PDE4D: variants seen among roughly 807,000 people sequenced by gnomAD.
PDE4D encodes phosphodiesterase 4D.
In PDE4D, 24 loss-of-function variants were observed where a neutral mutation model predicts 87.4. That is an observed-to-expected ratio of 0.27 (90% CI 0.20 to 0.39). The LOEUF is 0.39. Ranked by LOEUF, PDE4D falls within the 10% of genes least tolerant of loss-of-function variation. PDE4D has a pLI of 1.00. For synonymous variants in PDE4D, 384 were observed against 383.2 expected, an observed-to-expected ratio of 1.00 and a Z score of -0.02; for missense variants, 714 against 1,041.0, an observed-to-expected ratio of 0.69 and a Z score of 4.32.
At chr5:59,988,839 T>G in intron 2 of PDE4D, 1 of 528,494 alleles carries the variant, frequency 1.9e-6, no homozygotes, top group Non-Finnish European at 3.3e-6. Flanking sequence ...AAAAATGCTA[T>G]CTAGAAAACA....
At chr5:59,750,794 G>A (rs1311730526) in intron 1 of PDE4D, among the ~76,000 whole-genome samples, 1 of 151,926 alleles carries the variant, frequency 6.6e-6, no homozygotes, top group Non-Finnish European at 1.5e-5. Context: ...AAGTTATCTA[G>A]GCCTGGTAGC....
intron 2 of PDE4D, among the ~76,000 whole-genome samples, chr5:59,201,265 G>A (rs998672393): frequency 4.6e-5 from 7 of 152,054 alleles, no homozygotes. Flanking sequence ...AAACTGGGCT[G>A]CACAGGTAAT....
At chr5:59,821,837 G>A (rs1043663311) in intron 1 of PDE4D, among the ~76,000 whole-genome samples, 1 of 152,152 alleles carries the variant, frequency 6.6e-6, no homozygotes, top group African/African-American at 2.4e-5. Flanking sequence ...ATGGAGTTAG[G>A]AAGATATGTT....
intron 2 of PDE4D, among the ~76,000 whole-genome samples, chr5:60,077,068 C>A (rs1374919220): frequency 1.3e-5 from 2 of 152,138 alleles, no homozygotes; most frequent in African/African-American, 4.8e-5. Context: ...GGTGGCTGCT[C>A]AAGGCAGGGG....
chr5:60,062,138 G>A (rs888819000), intron 2 of PDE4D, among the ~76,000 whole-genome samples: 10 of 152,036 alleles, frequency 6.6e-5, no homozygotes, highest in Non-Finnish European at 1.3e-4. Context: ...TACAGAATGG[G>A]AGAACATTTT....
intron 1 of PDE4D, among the ~76,000 whole-genome samples, chr5:59,400,405 A>G (rs1790363781): frequency 6.8e-6 from 1 of 146,472 alleles, no homozygotes; most frequent in African/African-American, 2.6e-5. Flanking sequence ...ATGCGGCCAT[A>G]AAAAATGATG....
chr5:59,605,123 C>T (rs1451141983), intron 1 of PDE4D, among the ~76,000 whole-genome samples: 2 of 151,986 alleles, frequency 1.3e-5, no homozygotes, highest in Admixed American at 1.3e-4. Context: ...GTTGAAGGTG[C>T]TTAAAACTGC....
intron 2 of PDE4D, among the ~76,000 whole-genome samples, chr5:60,066,311 G>A (rs1772085182): frequency 6.6e-6 from 1 of 151,888 alleles, no homozygotes; most frequent in Non-Finnish European, 1.5e-5. Flanking sequence ...ATTTGTTTGA[G>A]TTCATTGTAG....
rs192485116 is a variant in PDE4D at position 60,412,943 on chromosome 5, T to C, written c.-90+74999A>G. 2.8e-4 allele frequency among the ~76,000 whole-genome samples: 42 copies of C among 152,310 alleles called. 1 individual carries two copies. Among genetic ancestry groups the C allele is most frequent in the Non-Finnish European group, 4.7e-4 (32 of 67,998 alleles). ...GGCTAGAGGTGGAGTCATTTGCTAATGACTAGGTGAATATTAAGTCATAAT... is the reference window on the plus strand; with the variant it reads ...GGCTAGAGGTGGAGTCATTTGCTAACGACTAGGTGAATATTAAGTCATAAT... On this transcript the variant is annotated intron_variant, in intron 1 of 16. Coordinates refer to the PDE4D transcript ENST00000502484.
chr5:60,368,407 C>G (rs1760733803), intron 1 of PDE4D, among the ~76,000 whole-genome samples: 1 of 152,098 alleles, frequency 6.6e-6, no homozygotes, highest in Non-Finnish European at 1.5e-5. Flanking sequence ...TGTTCTGGGG[C>G]AGGGAGGTTG....
chr5:60,415,481 C>T (rs1742421419), intron 1 of PDE4D, among the ~76,000 whole-genome samples: 1 of 152,236 alleles, frequency 6.6e-6, no homozygotes, highest in African/African-American at 2.4e-5. Context: ...GGAACCGGGG[C>T]TGCGCGGCAG....
rs1178334578 is a variant in PDE4D, at chr5:59,885,305, A to G, written c.455+7863T>C. ...TTTCAAAATGTTCTTTACTATCCTT[A>G]TATTTAAATTAAATTTTAAGTCAAG... On this transcript the variant is annotated intron_variant, in intron 1 of 14. Transcript: ENST00000340635. 6.6e-5 allele frequency among the ~76,000 whole-genome samples: 10 copies of G among 152,192 alleles called. No homozygotes were observed. In the East Asian group the frequency reaches 1.9e-3, roughly 29 times the overall value.
chr5:59,032,017 C>CTGTT (rs1554051689), intron 6 of PDE4D, among the ~76,000 whole-genome samples: 3 of 151,402 alleles, frequency 2.0e-5, no homozygotes, highest in Non-Finnish European at 4.4e-5. Flanking sequence ...TTTTAGTGAT[C>CTGTT]TATTGCACTG....
chr5:59,124,323 A>T (rs1165640801), intron 5 of PDE4D, among the ~76,000 whole-genome samples: 1 of 152,164 alleles, frequency 6.6e-6, no homozygotes, highest in Admixed American at 6.5e-5. Flanking sequence ...TCTTGCTGTA[A>T]AACCAGGAGC....
intron 1 of PDE4D, among the ~76,000 whole-genome samples, chr5:59,853,812 T>G (rs540890816): frequency 1.3e-5 from 2 of 152,098 alleles, no homozygotes; most frequent in East Asian, 3.9e-4. Flanking sequence ...TGACATGCTA[T>G]GTATACTGAG....
chr5:60,153,545 TG>T (rs1432482855), intron 2 of PDE4D, among the ~76,000 whole-genome samples: 1 of 152,192 alleles, frequency 6.6e-6, no homozygotes, highest in Non-Finnish European at 1.5e-5. Context: ...AAATAAAATC[TG>T]TATGTTGAAG....
chr5:59,662,375 A>C (rs191909489), intron 1 of PDE4D, among the ~76,000 whole-genome samples: 354 of 152,328 alleles, frequency 2.3e-3, no homozygotes, highest in Non-Finnish European at 3.7e-3. Context: ...CCTGGGCCTC[A>C]TTTTTGCTGA....
chr5:59,431,450 T>TAAA (rs1210097144), intron 1 of PDE4D, among the ~76,000 whole-genome samples: 3 of 152,058 alleles, frequency 2.0e-5, no homozygotes, highest in Non-Finnish European at 2.9e-5. Flanking sequence ...TTATCCAGGA[T>TAAA]TTGAATAGAC....
chr5:59,623,089 A>G (rs1033967788), intron 1 of PDE4D, among the ~76,000 whole-genome samples: 1 of 152,208 alleles, frequency 6.6e-6, no homozygotes, highest in African/African-American at 2.4e-5. Context: ...GAGCACATCA[A>G]TTGCATGACT....
Sources: gnomAD v4.1 joint callset for allele counts (sites outside exome capture counted in the v4.1 genomes callset) on GRCh38, gnomAD v4.1.1 for gene constraint, MANE v1.5 for transcripts, NCBI Gene and HGNC (gene_info 2026-07-23, HGNC 2026-07-21) for gene names.